The following HNRNPH1 variants were observed in gnomAD, a reference collection of about 807,000 sequenced individuals.
The protein encoded by HNRNPH1 is heterogeneous nuclear ribonucleoprotein H.
HNRNPH1 carries 4 observed loss-of-function variants against 58.6 expected under a neutral mutation model. The ratio of observed to expected loss-of-function variants is 0.07; its 90% CI spans 0.03 to 0.16. The LOEUF is 0.16. Ranked by LOEUF, HNRNPH1 falls within the 10% of genes least tolerant of loss-of-function variation. The pLI is 1.00. For missense variants in HNRNPH1, 271 were observed against 564.2 expected (o/e 0.48, Z 5.26); for synonymous variants, 192 against 189.2 (o/e 1.01, Z -0.12).
intron 10 of HNRNPH1, 34 bp from the exon 12 acceptor site, chr5:179,616,252 C>G (rs577853509): frequency 1.3e-6 from 2 of 1,540,358 alleles, no homozygotes; most frequent in East Asian, 4.5e-5. Context: ...AACCTTTTTT[C>G]TTATGTGATG....
intron 4 of HNRNPH1, 189 bp downstream of exon 5, chr5:179,619,080 T>C (rs1313072637): frequency 2.0e-6 from 1 of 499,732 alleles, no homozygotes; most frequent in East Asian, 3.4e-5. Context: ...ACCAATTAAC[T>C]AGGGACAAAT....
At chr5:179,629,009 A>ATTGG (rs1774594986), upstream of HNRNPH1, 3 of 151,474 alleles carry the variant, frequency 2.0e-5, no homozygotes, top group Admixed American at 2.0e-4. Flanking sequence ...GCAATCATAA[A>ATTGG]TAACCCGGCT....
At chr5:179,615,145 C>T (rs1768906263) in intron 12 of HNRNPH1, 186 bp from the exon 14 acceptor site, 3 of 555,462 alleles carry the variant, frequency 5.4e-6, no homozygotes, top group Non-Finnish European at 6.5e-6. Flanking sequence ...CTTTTCTCTG[C>T]AGTACCAACT....
At chr5:179,622,566 C>G (rs1772999089) in intron 1 of HNRNPH1, among the ~76,000 whole-genome samples, 1 of 152,104 alleles carries the variant, frequency 6.6e-6, no homozygotes, top group Admixed American at 6.5e-5. Flanking sequence ...CAAAAATTAG[C>G]CGGGCGTGGC....
rs1392895523 is a variant in HNRNPH1, at chr5:179,619,469, T to C, written c.398-62A>G. 3.4e-5 allele frequency: 51 copies of C among 1,486,878 alleles called. No individual in the cohort carries two copies. In the South Asian group the frequency reaches 5.8e-4, roughly 17 times the overall value. The allele number at this position is 1,486,878 out of a possible 1,614,324, so 92.1% of individuals were successfully genotyped here. A position where few individuals can be genotyped will look rare whatever the true frequency, so the allele number is the denominator to read the frequency against. ...AATATTAACATCACAAGCCCAGAAA[T>C]GATTCTTCTTATAGCTTTAAATAAA... is the stretch of plus-strand genomic sequence containing the variant. On this transcript the variant is annotated intron_variant, in intron 3 of 12. Transcript: ENST00000356731.
At chr5:179,631,804 G>A (rs536966388) in intron 2 of HNRNPH1, among the ~76,000 whole-genome samples, 1 of 152,196 alleles carries the variant, frequency 6.6e-6, no homozygotes, top group East Asian at 1.9e-4. Context: ...TGTAGTTCCA[G>A]CTACTCAGGA....
intron 2 of HNRNPH1, among the ~76,000 whole-genome samples, chr5:179,632,679 G>A (rs1774943053): frequency 6.6e-6 from 1 of 151,934 alleles, no homozygotes; most frequent in African/African-American, 2.4e-5. Flanking sequence ...CAGGCGGCCG[G>A]TTTTGAACTT....
intron 10 of HNRNPH1, 93 bp downstream of exon 11, chr5:179,616,776 G>T: frequency 8.8e-7 from 1 of 1,133,186 alleles, no homozygotes. Context: ...AGTTTCTTAT[G>T]CTAAACTTAT....
rs1769560732 is a variant in HNRNPH1, at chr5:179,616,236, CATT to C, written c.1208-21_1208-19del. On this transcript the variant is annotated intron_variant, in intron 10 of 12. Transcript: ENST00000356731. ...CTGGTTTGCTGTTAAGTTAAGAAAACATTAGAACCTTTTTTCTTATGTGATGTG... is the reference window on the plus strand; with the variant it reads ...CTGGTTTGCTGTTAAGTTAAGAAAACAGAACCTTTTTTCTTATGTGATGTG... The C allele has an allele frequency of 4.4e-6, 7 of 1,599,788 alleles. No homozygotes were observed. The highest frequency in any genetic ancestry group is 6.0e-6 in the Non-Finnish European group (7 of 1,167,056).
intron 1 of HNRNPH1, among the ~76,000 whole-genome samples, chr5:179,622,360 G>C (rs114871835): frequency 6.6e-6 from 1 of 152,078 alleles, no homozygotes; most frequent in Admixed American, 6.5e-5. Context: ...CTAATCACTC[G>C]GCCATTTTCT....
intron 11 of HNRNPH1, 64 bp downstream of exon 12, chr5:179,616,062 T>TG: frequency 7.3e-7 from 1 of 1,365,762 alleles, no homozygotes; most frequent in Non-Finnish European, 1.0e-6. Flanking sequence ...TAACTTACTC[T>TG]AAGTACAGTA....
chr5:179,634,318 G>C (rs1379399170), intron 1 of HNRNPH1: 4 of 87,320 alleles, frequency 4.6e-5, no homozygotes, highest in Non-Finnish European at 9.4e-5. Flanking sequence ...CCCCACAGCC[G>C]CTGCTTTCAG....
chr5:179,629,105 G>A (rs1308092864), upstream of HNRNPH1: 1 of 146,822 alleles, frequency 6.8e-6, no homozygotes, highest in Non-Finnish European at 1.5e-5. Context: ...AGACCATCCT[G>A]GATAACACAG....
intron 12 of HNRNPH1, 123 bp from the exon 14 acceptor site, chr5:179,615,082 G>GAC (rs1009014971): frequency 2.2e-5 from 15 of 670,192 alleles, no homozygotes; most frequent in Admixed American, 2.2e-5. Context: ...CAAGTGGCGA[G>GAC]ACGCATGTTT....
At chr5:179,620,806 TA>T in intron 3 of HNRNPH1, 85 bp downstream of exon 4, 1 of 1,175,696 alleles carries the variant, frequency 8.5e-7, no homozygotes, top group Non-Finnish European at 1.2e-6. Flanking sequence ...CTGAAATACC[TA>T]AGCTACTCAA....
intron 1 of HNRNPH1, among the ~76,000 whole-genome samples, chr5:179,622,208 C>G (rs769798255): frequency 6.9e-6 from 1 of 145,602 alleles, no homozygotes; most frequent in Non-Finnish European, 1.6e-5. Context: ...AAACACTCTT[C>G]AATTATCAAA....
intron 1 of HNRNPH1, chr5:179,621,952 TA>T: frequency 2.2e-6 from 1 of 456,376 alleles, no homozygotes; most frequent in Non-Finnish European, 4.4e-6. Flanking sequence ...GTTCTTGTTT[TA>T]CAGGTCGCTT....
intron 8 of HNRNPH1, 98 bp downstream of exon 9, chr5:179,617,416 G>T: frequency 7.3e-7 from 1 of 1,368,858 alleles, no homozygotes; most frequent in Non-Finnish European, 1.0e-6. Context: ...TTACTGGAGA[G>T]GAAACTTCTC....
At chr5:179,617,163 A>G (rs1297016526) in intron 8 of HNRNPH1, 53 bp from the exon 10 acceptor site, 10 of 1,541,498 alleles carry the variant, frequency 6.5e-6, no homozygotes, top group Non-Finnish European at 8.9e-6. Flanking sequence ...ACAAAACAGA[A>G]TAAGCACTTT....
Sources: gnomAD v4.1 joint callset for allele counts (sites outside exome capture counted in the v4.1 genomes callset) on GRCh38, gnomAD v4.1.1 for gene constraint, MANE v1.5 for transcripts, NCBI Gene and HGNC (gene_info 2026-07-23, HGNC 2026-07-21) for gene names.